TMSB15B: variants seen among roughly 807,000 people sequenced by gnomAD.
TMSB15B encodes the protein thymosin beta-15B.
chrX:103,929,585 T>C (rs1193734079), intron 1 of TMSB15B, among the ~76,000 whole-genome samples: 1 of 111,930 alleles, frequency 8.9e-6, no homozygotes, highest in Non-Finnish European at 1.9e-5. Context: ...TAGGCTTGCA[T>C]GAACTCGTCA....
intron 1 of TMSB15B, among the ~76,000 whole-genome samples, chrX:103,948,602 G>A (rs1228577382): frequency 8.9e-6 from 1 of 112,523 alleles, no homozygotes; most frequent in Non-Finnish European, 1.9e-5. Flanking sequence ...TCATTTAAAT[G>A]CACCTCTATC....
intron 1 of TMSB15B, among the ~76,000 whole-genome samples, chrX:103,948,556 GA>G (rs1184397233): frequency 8.9e-6 from 1 of 112,346 alleles, no homozygotes; most frequent in Non-Finnish European, 1.9e-5. Flanking sequence ...ATGCATTAGT[GA>G]GCTATGGAAT....
intron 1 of TMSB15B, chrX:103,928,235 C>G: frequency 8.3e-7 from 1 of 1,204,999 alleles, no homozygotes; most frequent in Non-Finnish European, 1.1e-6. Flanking sequence ...TCTGACCTTT[C>G]CTATCTATAA....
intron 1 of TMSB15B, among the ~76,000 whole-genome samples, chrX:103,934,309 A>G (rs1466092200): frequency 9.1e-6 from 1 of 110,126 alleles, no homozygotes; most frequent in Non-Finnish European, 1.9e-5. Context: ...GAGCACATCT[A>G]TGTTGCCAGA....
chrX:103,922,086 T>TC (rs1491332778), intron 1 of TMSB15B, among the ~76,000 whole-genome samples: 9 of 100,476 alleles, frequency 9.0e-5, no homozygotes, highest in African/African-American at 3.2e-4. Flanking sequence ...TCTCTCTCTC[T>TC]TTTTTTTTTT....
chrX:103,946,433 T>C (rs1405930039), intron 1 of TMSB15B, among the ~76,000 whole-genome samples: 1 of 112,292 alleles, frequency 8.9e-6, no homozygotes, highest in Non-Finnish European at 1.9e-5. Context: ...TTAGGGACCA[T>C]GATGGGTTGT....
intron 1 of TMSB15B, among the ~76,000 whole-genome samples, chrX:103,950,920 A>G (rs1334825480): frequency 9.0e-6 from 1 of 111,364 alleles, no homozygotes; most frequent in Non-Finnish European, 1.9e-5. Flanking sequence ...GGCTGGCTTT[A>G]GAGTGCAGTC....
chrX:103,928,145 C>A, intron 1 of TMSB15B: 10 of 1,156,769 alleles, frequency 8.6e-6, no homozygotes, highest in Non-Finnish European at 9.4e-6. Context: ...GCACAGAACA[C>A]AAGCAGAGGC....
In TMSB15B at chrX:103,954,349, C is replaced by A. The variant is rs370166087; in HGVS notation, c.-720-7672C>A. On this transcript the variant is annotated intron_variant, in intron 1 of 3. Transcript: ENST00000419165. ...TCCCAGGGCCCCAGCCTGGCCACAC[C>A]TGCTTACAGGGCAGTCTTGCGTGCT... 6.2e-5 allele frequency among the ~76,000 whole-genome samples: 7 copies of A among 112,193 alleles called. No homozygotes were observed. In the East Asian group the frequency reaches 1.7e-3, roughly 27 times the overall value.
intron 1 of TMSB15B, among the ~76,000 whole-genome samples, chrX:103,954,416 T>C (rs1379680419): frequency 8.9e-6 from 1 of 111,783 alleles, no homozygotes; most frequent in Non-Finnish European, 1.9e-5. Flanking sequence ...GGATCATGAC[T>C]GACTTGTGGA....
intron 1 of TMSB15B, chrX:103,928,651 A>G (rs2074976144): frequency 8.7e-7 from 1 of 1,150,124 alleles, no homozygotes; most frequent in Non-Finnish European, 1.2e-6. Flanking sequence ...GGCCAGGAAC[A>G]GCCTGGGGAG....
chrX:103,927,756 G>A (rs1343580245), intron 1 of TMSB15B, among the ~76,000 whole-genome samples: 1 of 107,927 alleles, frequency 9.3e-6, no homozygotes, highest in Non-Finnish European at 1.9e-5. Context: ...GATGCATTAA[G>A]TTTTGGAGTC....
At position 103,920,965 on chromosome X, in the gene TMSB15B, T is replaced by C. The variant is rs2074950677; in HGVS notation, c.-721+1673T>C. 2.7e-5 allele frequency among the ~76,000 whole-genome samples: 3 copies of C among 112,289 alleles called. No homozygotes were observed. The South Asian group carries it at 1.1e-3, about 42-fold the overall frequency. On this transcript the variant is annotated intron_variant, in intron 1 of 3. Transcript: ENST00000419165. ...GAGCAGGTATTACTTCCTTTATGTA[T>C]AGTGTGGCTAGGAGGCTCCTGTGGG... is the stretch of plus-strand genomic sequence containing the variant.
chrX:103,941,258 A>C (rs2075011982), intron 1 of TMSB15B, among the ~76,000 whole-genome samples: 1 of 112,327 alleles, frequency 8.9e-6, no homozygotes, highest in Admixed American at 9.4e-5. Flanking sequence ...ATTGATGGAC[A>C]CTTAGGTTGA....
At chrX:103,928,098 T>C in intron 1 of TMSB15B, 1 of 1,090,656 alleles carries the variant, frequency 9.2e-7, no homozygotes, top group Non-Finnish European at 1.2e-6. Flanking sequence ...GTCTTCAGCA[T>C]GGGGGAGCAG....
intron 1 of TMSB15B, among the ~76,000 whole-genome samples, chrX:103,950,069 C>T (rs1602443544): frequency 9.0e-6 from 1 of 111,132 alleles, no homozygotes; most frequent in African/African-American, 3.3e-5. Context: ...TTGTATTGAA[C>T]AATGTGAAGT....
Position 103,952,120 on chromosome X carries a change from A to G in TMSB15B, c.-720-9901A>G, listed in dbSNP as rs186602287. 1.8e-3 allele frequency among the ~76,000 whole-genome samples: 196 copies of G among 111,343 alleles called. 1 individual carries two copies. The highest frequency in any genetic ancestry group is 6.1e-3 in the African/African-American group (188 of 30,649). ...GGGTTTTGCTAGGTTGCCCAGGCTG[A>G]CTCAAACTCCTGGGTAACCTTCCCA... On this transcript the variant is annotated intron_variant, in intron 1 of 3. Coordinates refer to the TMSB15B transcript ENST00000419165.
At chrX:103,946,850 C>G (rs2075026980) in intron 1 of TMSB15B, among the ~76,000 whole-genome samples, 1 of 111,192 alleles carries the variant, frequency 9.0e-6, no homozygotes, top group South Asian at 3.8e-4. Flanking sequence ...TCCAAAAACA[C>G]AAGTTTTAAA....
At chrX:103,946,257 T>C (rs1481458265) in intron 1 of TMSB15B, among the ~76,000 whole-genome samples, 1 of 112,230 alleles carries the variant, frequency 8.9e-6, no homozygotes, top group Non-Finnish European at 1.9e-5. Flanking sequence ...ACAATACATT[T>C]GGAGGATCCA....
Sources: allele counts gnomAD v4.1 joint callset (sites outside exome capture counted in the v4.1 genomes callset), GRCh38; gene constraint gnomAD v4.1.1; transcripts MANE v1.5; gene names NCBI Gene and HGNC (gene_info 2026-07-23, HGNC 2026-07-21).